Variants in GABRB2 observed in about 807,000 individuals in gnomAD.
GABRB2 encodes gamma-aminobutyric acid receptor subunit beta-2.
A neutral mutation model predicts 54.7 loss-of-function variants in GABRB2; 16 were observed. That is an observed-to-expected ratio of 0.29 (90% confidence interval 0.20 to 0.44). GABRB2 has a LOEUF of 0.44. Ranked by LOEUF, GABRB2 falls within the 20% of genes least tolerant of loss-of-function variation. The pLI is 1.00. For synonymous variants in GABRB2, 244 were observed against 233.8 expected (o/e 1.04, Z -0.40); for missense variants, 355 against 644.0 (o/e 0.55, Z 4.86).
chr5:161,419,879 A>G (rs1488800340), intron 4 of GABRB2, among the ~76,000 whole-genome samples: 1 of 152,180 alleles, frequency 6.6e-6, no homozygotes, highest in Non-Finnish European at 1.5e-5. Flanking sequence ...TATTTGGGTA[A>G]TGGGTACCCT....
chr5:161,455,535 T>C (rs927596033), intron 4 of GABRB2, among the ~76,000 whole-genome samples: 2 of 151,526 alleles, frequency 1.3e-5, no homozygotes, highest in African/African-American at 4.9e-5. Flanking sequence ...CCCAATTTTT[T>C]TTTTTTTTTT....
At chr5:161,340,119 T>C (rs971095739) in intron 5 of GABRB2, among the ~76,000 whole-genome samples, 2 of 152,008 alleles carry the variant, frequency 1.3e-5, no homozygotes, top group Admixed American at 6.6e-5. Flanking sequence ...CTTTTATCCA[T>C]TGCGATAAAT....
chr5:161,428,423 A>G (rs147173671), intron 4 of GABRB2, among the ~76,000 whole-genome samples: 3 of 152,112 alleles, frequency 2.0e-5, no homozygotes, highest in East Asian at 3.9e-4. Flanking sequence ...TTCATCCTGC[A>G]TATTTGCTAC....
chr5:161,440,098 T>C (rs1290121324), intron 4 of GABRB2, among the ~76,000 whole-genome samples: 1 of 117,774 alleles, frequency 8.5e-6, no homozygotes, highest in Non-Finnish European at 1.9e-5. Flanking sequence ...ATACCACATA[T>C]ACACAAAAAA....
chr5:161,468,585 C>A (rs1022286915), intron 3 of GABRB2, among the ~76,000 whole-genome samples: 2 of 151,948 alleles, frequency 1.3e-5, no homozygotes, highest in African/African-American at 2.4e-5. Flanking sequence ...ACAGTACTTA[C>A]TATATTTTTT....
At chr5:161,386,363 C>T (rs868237666) in intron 5 of GABRB2, among the ~76,000 whole-genome samples, 1 of 151,968 alleles carries the variant, frequency 6.6e-6, no homozygotes, top group African/African-American at 2.4e-5. Flanking sequence ...AGCTTGGTGC[C>T]CTGATATGCT....
chr5:161,473,773 G>C (rs1758513665), intron 3 of GABRB2, among the ~76,000 whole-genome samples: 1 of 151,856 alleles, frequency 6.6e-6, no homozygotes, highest in Non-Finnish European at 1.5e-5. Flanking sequence ...CATGTTAAAG[G>C]TGCTAAGTGG....
intron 4 of GABRB2, among the ~76,000 whole-genome samples, chr5:161,447,467 C>G (rs958131834): frequency 6.6e-6 from 1 of 152,140 alleles, no homozygotes; most frequent in South Asian, 2.1e-4. Flanking sequence ...CTAGTGGGAA[C>G]AATTCAACAT....
intron 9 of GABRB2, among the ~76,000 whole-genome samples, chr5:161,294,948 T>A (rs1757341539): frequency 6.6e-6 from 1 of 152,214 alleles, no homozygotes; most frequent in African/African-American, 2.4e-5. Flanking sequence ...GGATACAATT[T>A]CATCTAATTG....
At chr5:161,510,429 G>T (rs1031956580) in intron 3 of GABRB2, among the ~76,000 whole-genome samples, 2 of 151,892 alleles carry the variant, frequency 1.3e-5, no homozygotes, top group Non-Finnish European at 2.9e-5. Flanking sequence ...GCAAATGACA[G>T]CATCTCATTC....
intron 5 of GABRB2, among the ~76,000 whole-genome samples, chr5:161,357,484 TGA>T (rs918617073): frequency 1.4e-5 from 2 of 147,022 alleles, no homozygotes; most frequent in African/African-American, 5.1e-5. Flanking sequence ...GGAATTTGAG[TGA>T]GAGTTTTCAC....
At chr5:161,544,479 A>C (rs1432267175) in intron 3 of GABRB2, among the ~76,000 whole-genome samples, 2 of 151,908 alleles carry the variant, frequency 1.3e-5, no homozygotes, top group Admixed American at 6.6e-5. Context: ...ATTGAAGCAA[A>C]CCCCCCAACA....
At chr5:161,312,985 T>A (rs1337281316) in intron 9 of GABRB2, among the ~76,000 whole-genome samples, 1 of 152,214 alleles carries the variant, frequency 6.6e-6, no homozygotes, top group Admixed American at 6.5e-5. Flanking sequence ...TGCTCGATTT[T>A]ACACTGTGGG....
intron 4 of GABRB2, among the ~76,000 whole-genome samples, chr5:161,417,071 G>A (rs184614189): frequency 5.3e-5 from 8 of 152,112 alleles, no homozygotes; most frequent in Admixed American, 4.6e-4. Context: ...TTCCTCCAAC[G>A]TCACTTCAAA....
chr5:161,410,808 G>A (rs1210700307), intron 5 of GABRB2, among the ~76,000 whole-genome samples, 167 bp downstream of exon 5: 1 of 152,156 alleles, frequency 6.6e-6, no homozygotes, highest in Non-Finnish European at 1.5e-5. Context: ...TAAGAGGGTG[G>A]CAGCATAACT....
At chr5:161,494,598 C>G (rs908380382) in intron 3 of GABRB2, among the ~76,000 whole-genome samples, 5 of 148,362 alleles carry the variant, frequency 3.4e-5, no homozygotes, top group African/African-American at 1.2e-4. Flanking sequence ...CAACTGAAAA[C>G]ATTTCCAGAA....
intron 5 of GABRB2, among the ~76,000 whole-genome samples, chr5:161,363,516 T>A (rs1480713732): frequency 6.6e-6 from 1 of 151,970 alleles, no homozygotes; most frequent in African/African-American, 2.4e-5. Flanking sequence ...ATCCCAGAAC[T>A]TAAAGTATAA....
intron 5 of GABRB2, among the ~76,000 whole-genome samples, chr5:161,370,062 T>C (rs181858369): frequency 6.6e-6 from 1 of 152,226 alleles, no homozygotes; most frequent in East Asian, 1.9e-4. Context: ...ATGATGAAAC[T>C]TTCAGCAGGG....
chr5:161,466,317 C>T (rs1303432175), intron 3 of GABRB2, among the ~76,000 whole-genome samples: 10 of 152,020 alleles, frequency 6.6e-5, no homozygotes, highest in Non-Finnish European at 1.5e-4. Flanking sequence ...CACTGTGAAG[C>T]ACTATTATCC....
Sources: gnomAD v4.1 joint callset for allele counts (sites outside exome capture counted in the v4.1 genomes callset) on GRCh38, gnomAD v4.1.1 for gene constraint, MANE v1.5 for transcripts, NCBI Gene and HGNC (gene_info 2026-07-23, HGNC 2026-07-21) for gene names.